The following ELOVL6 variants were observed in gnomAD, a reference collection of about 807,000 sequenced individuals.
The protein encoded by ELOVL6 is very long chain fatty acid elongase 6.
In ELOVL6, 8 loss-of-function variants were observed where a neutral mutation model predicts 31.7. The observed-to-expected ratio is 0.25, with a 90% CI of 0.15 to 0.45. The LOEUF (loss-of-function observed/expected upper bound fraction) is 0.45. Among genes scored for constraint, ELOVL6 ranks in the 20% least tolerant of loss-of-function variants. The pLI is 1.00. For synonymous variants in ELOVL6, 101 were observed against 117.7 expected (o/e 0.86, Z 0.92); for missense variants, 126 against 326.4 (o/e 0.39, Z 4.73).
At chr4:110,106,736 A>C (rs1055829013) in intron 1 of ELOVL6, among the ~76,000 whole-genome samples, 13 of 151,962 alleles carry the variant, frequency 8.6e-5, no homozygotes, top group African/African-American at 3.1e-4. Context: ...TCCTGTGACT[A>C]AGAATTCCTT....
intron 2 of ELOVL6, among the ~76,000 whole-genome samples, chr4:110,077,818 G>A (rs1255737571): frequency 6.6e-6 from 1 of 152,108 alleles, no homozygotes; most frequent in African/African-American, 2.4e-5. Context: ...TCGAACCCAT[G>A]GCAAAGAAGT....
chr4:110,148,754 ATACACT>A (rs1478526074), intron 1 of ELOVL6, among the ~76,000 whole-genome samples: 2 of 113,328 alleles, frequency 1.8e-5, no homozygotes, highest in Non-Finnish European at 4.1e-5. Context: ...CCATAAATAT[ATACACT>A]TACTGTGTAC....
chr4:110,054,616 A>G (rs1234767608), intron 3 of ELOVL6, among the ~76,000 whole-genome samples: 2 of 152,218 alleles, frequency 1.3e-5, no homozygotes, highest in South Asian at 4.1e-4. Context: ...TATGCATTTC[A>G]TCCTAACTCT....
At chr4:110,076,513 C>A (rs1475295181) in intron 2 of ELOVL6, among the ~76,000 whole-genome samples, 1 of 152,120 alleles carries the variant, frequency 6.6e-6, no homozygotes, top group Non-Finnish European at 1.5e-5. Context: ...GGTCCTAGGA[C>A]ACTTGCTTTT....
chr4:110,164,635 G>A (rs981542283), intron 1 of ELOVL6, among the ~76,000 whole-genome samples: 1 of 151,098 alleles, frequency 6.6e-6, no homozygotes, highest in Non-Finnish European at 1.5e-5. Flanking sequence ...AGCTACTCAG[G>A]AGGATGAGGT....
intron 1 of ELOVL6, among the ~76,000 whole-genome samples, chr4:110,158,657 A>ATCTTTTTTTTTTT: frequency 1.3e-5 from 1 of 74,162 alleles, no homozygotes; most frequent in Non-Finnish European, 2.3e-5. Context: ...ATATATATAT[A>ATCTTTTTTTTTTT]TTTTTTTTTT....
rs1754797472 is a variant in ELOVL6, at chr4:110,050,062, C to T, written c.*1276G>A. Reference sequence around the variant, plus strand: ...AATTTGAGGGATAAGTGTATGGGGGCCCTTTGTTGTCAACTGTTTTCAGCC... The same window carrying T: ...AATTTGAGGGATAAGTGTATGGGGGTCCTTTGTTGTCAACTGTTTTCAGCC... On this transcript the variant is annotated 3_prime_UTR_variant, in exon 4 of 4. Transcript: ENST00000302274. 1 of 152,280 alleles carries T rather than the reference C, an allele frequency of 6.6e-6. No individual in the cohort carries two copies. The highest frequency in any genetic ancestry group is 1.5e-5 in the Non-Finnish European group (1 of 67,986). 9.4% of individuals were successfully genotyped at this position (152,280 alleles called of 1,614,324 possible).
intron 1 of ELOVL6, among the ~76,000 whole-genome samples, chr4:110,179,525 T>C (rs1759211555): frequency 1.3e-5 from 2 of 151,924 alleles, no homozygotes; most frequent in African/African-American, 4.8e-5. Flanking sequence ...AGGGCAAAAA[T>C]ATTAAATCAT....
chr4:110,061,555 T>TTTTTTTTTTTTTTTTTTTTG (rs1755141472), intron 2 of ELOVL6, among the ~76,000 whole-genome samples: 1 of 86,512 alleles, frequency 1.2e-5, no homozygotes, highest in Non-Finnish European at 2.0e-5. Flanking sequence ...ATGGCTTTTT[T>TTTTTTTTTTTTTTTTTTTTG]TTTTTTTTTT....
chr4:110,073,683 A>G lies in ELOVL6; in HGVS notation c.222-13929T>C, dbSNP rs80107204. Among the ~76,000 whole-genome samples the G allele has an allele frequency of 9.6e-3, 1,455 of 152,282 alleles. 11 individuals are homozygous for G. The highest frequency in any genetic ancestry group is 0.015 in the Non-Finnish European group (1,018 of 68,030). ...GAAATGTAAGCATTGAGGAACAAGG[A>G]AAATTCCTTCCACCGCTGCCCCTGA... On this transcript the variant is annotated intron_variant, in intron 2 of 3. Transcript: ENST00000302274.
intron 1 of ELOVL6, among the ~76,000 whole-genome samples, chr4:110,156,969 T>C (rs375114545): frequency 4.4e-4 from 67 of 152,334 alleles, no homozygotes; most frequent in African/African-American, 1.4e-3. Flanking sequence ...TGGTAAAAGA[T>C]GCAGTTTCCT....
At chr4:110,131,382 G>A (rs184429335) in intron 1 of ELOVL6, among the ~76,000 whole-genome samples, 307 of 152,198 alleles carry the variant, frequency 2.0e-3, no homozygotes, top group African/African-American at 7.0e-3. Flanking sequence ...ATGACAAATA[G>A]GCAGTCTTCT....
At chr4:110,157,399 G>A (rs536899764) in intron 1 of ELOVL6, among the ~76,000 whole-genome samples, 24 of 152,260 alleles carry the variant, frequency 1.6e-4, no homozygotes, top group Middle Eastern at 3.4e-3. Context: ...GGCCAGGTGC[G>A]GTGACTCATG....
chr4:110,192,174 G>C (rs937421975), intron 1 of ELOVL6, among the ~76,000 whole-genome samples: 1 of 140,288 alleles, frequency 7.1e-6, no homozygotes, highest in Non-Finnish European at 1.5e-5. Context: ...TGGGCAACAA[G>C]GGCAAAACTC....
chr4:110,183,059 C>T (rs1759337203), intron 1 of ELOVL6, among the ~76,000 whole-genome samples: 1 of 152,092 alleles, frequency 6.6e-6, no homozygotes, highest in African/African-American at 2.4e-5. Flanking sequence ...CATAACATCA[C>T]ATGACAGATA....
At chr4:110,070,853 C>T (rs142754698) in intron 2 of ELOVL6, among the ~76,000 whole-genome samples, 95 of 152,150 alleles carry the variant, frequency 6.2e-4, no homozygotes, top group Admixed American at 1.5e-3. Flanking sequence ...GTACAGCCTG[C>T]GGAACTGTTG....
intron 2 of ELOVL6, among the ~76,000 whole-genome samples, chr4:110,084,555 C>T (rs1449283407): frequency 0.071 from 4,058 of 57,416 alleles, 307 homozygotes; most frequent in African/African-American, 0.21. Context: ...CACACACACA[C>T]ACACACAGAT....
At chr4:110,092,662 G>A (rs888589623) in intron 2 of ELOVL6, among the ~76,000 whole-genome samples, 28 of 152,302 alleles carry the variant, frequency 1.8e-4, no homozygotes, top group African/African-American at 6.7e-4. Context: ...ATCTATAAGT[G>A]TGGCTACAGT....
intron 2 of ELOVL6, among the ~76,000 whole-genome samples, chr4:110,075,675 A>C (rs1755608433): frequency 6.6e-6 from 1 of 152,184 alleles, no homozygotes; most frequent in Admixed American, 6.5e-5. Flanking sequence ...AAGTTCTAAA[A>C]ATTGGTTGCA....
Sources: allele counts gnomAD v4.1 joint callset (sites outside exome capture counted in the v4.1 genomes callset), GRCh38; gene constraint gnomAD v4.1.1; transcripts MANE v1.5; gene names NCBI Gene and HGNC (gene_info 2026-07-23, HGNC 2026-07-21).